AGAP2: variants seen among roughly 807,000 people sequenced by gnomAD.
AGAP2 encodes arf-GAP with GTPase, ANK repeat and PH domain-containing protein 2.
Under a neutral mutation model 110.9 loss-of-function variants are expected in AGAP2, and 32 were observed. The ratio of observed to expected loss-of-function variants is 0.29; its 90% CI spans 0.22 to 0.39. The LOEUF is 0.39. Ranked by LOEUF, AGAP2 falls within the 10% of genes least tolerant of loss-of-function variation. AGAP2 has a pLI of 1.00. For synonymous variants in AGAP2, 702 were observed against 713.0 expected (o/e 0.98, Z 0.25); for missense variants, 1,285 against 1,638.5 (o/e 0.78, Z 3.72).
chr12:57,735,142 A>G (rs1367080915), intron 2 of AGAP2, among the ~76,000 whole-genome samples: 2 of 152,172 alleles, frequency 1.3e-5, no homozygotes, highest in Non-Finnish European at 2.9e-5. Flanking sequence ...CCATGAACAA[A>G]CAGGAAAAAG....
At position 57,726,404 on chromosome 12, in the gene AGAP2, TG is replaced by T; in HGVS notation, c.*147del. ...GTGAGTTTGTGTCTTCTGGAAGGCG[TG>T]GGGGCTGTGCCCTCGTGGGGGTAGG... is the stretch of plus-strand genomic sequence containing the variant. On this transcript the variant is annotated 3_prime_UTR_variant, in exon 19 of 19. Transcript: ENST00000547588. The surrounding 1 kb of genome is among the most constrained non-coding windows in gnomAD (Gnocchi z 5.7). 3 of 771,628 alleles carry T rather than the reference TG, an allele frequency of 3.9e-6. No homozygotes were observed. The highest frequency in any genetic ancestry group is 6.4e-5 in the South Asian group (1 of 15,730). The allele number at this position is 771,628 out of a possible 1,614,324, so 47.8% of individuals were successfully genotyped here. A position where few individuals can be genotyped will look rare whatever the true frequency, so the allele number is the denominator to read the frequency against.
chr12:57,739,563 G>A (rs1044577737), upstream of AGAP2, among the ~76,000 whole-genome samples: 4 of 152,138 alleles, frequency 2.6e-5, no homozygotes, highest in Non-Finnish European at 4.4e-5. Flanking sequence ...TCTAGGAGGA[G>A]GGAGAAGGAT....
chr12:57,730,726 C>T (rs780301548), intron 11 of AGAP2, 65 bp downstream of exon 11: 24 of 1,610,262 alleles, frequency 1.5e-5, no homozygotes, highest in Admixed American at 1.3e-4. Flanking sequence ...CCCCTCTTCC[C>T]TCTTACCCCT....
chr12:57,739,621 T>C (rs1486284245), upstream of AGAP2: 5 of 152,396 alleles, frequency 3.3e-5, no homozygotes, highest in South Asian at 2.1e-4. Context: ...CCAGTCTCCA[T>C]AGCAACCGTA....
rs1253073888 is a variant in AGAP2, at chr12:57,727,559, G to A, written c.2881C>T (p.Leu961=). The A allele has an allele frequency of 6.2e-7, 1 of 1,608,620 alleles. No individual in the cohort carries two copies. The highest frequency in any genetic ancestry group is 1.1e-5 in the South Asian group (1 of 90,692). The change falls in exon 17 of 19, where the codon CTG becomes TTG. Residue 961 remains leucine (L), a synonymous_variant. Coordinates refer to ENST00000547588, the MANE Select transcript of AGAP2 (RefSeq NM_001122772.3). ...CACTCGATGCAGATGAGGGCGCCCA[G>A]GTTCAAGCTGGCCCACGTGGGGTCT... is the stretch of plus-strand genomic sequence containing the variant. ...APNPTWASLN[L]GALICIECSG... is the part of the protein sequence containing the mutation.
chr12:57,741,975 C>T, upstream of AGAP2: 2 of 1,614,212 alleles, frequency 1.2e-6, 1 homozygote, highest in Middle Eastern at 3.3e-4. Flanking sequence ...ACCCTCTCTG[C>T]CAGCTTCCTG....
chr12:57,723,918 TGAA>T (rs1450888939), downstream of AGAP2: 1 of 152,202 alleles, frequency 6.6e-6, no homozygotes, highest in Non-Finnish European at 1.5e-5. Context: ...CCCAAACTTC[TGAA>T]GAAGGGAGCA....
At chr12:57,736,259 A>C (rs2140365679) in intron 1 of AGAP2, among the ~76,000 whole-genome samples, 1 of 152,244 alleles carries the variant, frequency 6.6e-6, no homozygotes, top group East Asian at 1.9e-4. Flanking sequence ...CGGGAGTGTG[A>C]GCCGAACCAA....
chr12:57,734,554 C>CCCAATGGG, intron 3 of AGAP2, 38 bp downstream of exon 3: 1 of 1,608,486 alleles, frequency 6.2e-7, no homozygotes, highest in Non-Finnish European at 8.5e-7. Context: ...GGATCCCTGA[C>CCCAATGGG]CCCAATGGTT....
rs1429127085 is a variant in AGAP2 at position 57,737,252 on chromosome 12, C to T, written c.995G>A (p.Arg332Gln). The T allele has an allele frequency of 6.2e-7, 1 of 1,612,586 alleles. No individual in the cohort carries two copies. The highest frequency in any genetic ancestry group is 2.2e-5 in the East Asian group (1 of 44,858). The change falls in exon 1 of 19, where the codon CGG (arginine) becomes CAG (glutamine). Residue 332 changes from arginine (R) to glutamine (Q), a missense_variant. By Grantham distance (43) the Arg-to-Gln change is conservative. Transcript: ENST00000547588. This position sits in a 1 kb window ranked among gnomAD's most constrained non-coding sequence, Gnocchi z 5.9. Reference protein sequence around the residue: ...EPPAPGLKRGREGGRASTRDR... With the variant: ...EPPAPGLKRGQEGGRASTRDR... ...ACGAGTGGATGCTCGGCCCCCCTCC[C>T]GGCCCCGTTTCAGCCCCGGAGCTGG... is the stretch of plus-strand genomic sequence containing the variant.
chr12:57,734,668 G>A lies in AGAP2; in HGVS notation c.1239C>T (p.Gly413=), dbSNP rs536899006. ...SIPELRLGVL[G]DARSGKSSLI... Reference sequence around the variant, plus strand: ...GCGATGACTTCCCACTCCTGGCATCGCCCAGCACACCCTGAGGGCAAGGTT... The same window carrying A: ...GCGATGACTTCCCACTCCTGGCATCACCCAGCACACCCTGAGGGCAAGGTT... The change falls in exon 3 of 19, where the codon GGC becomes GGT. Residue 413 remains glycine, a synonymous_variant. Coordinates refer to ENST00000547588, the MANE Select transcript of AGAP2 (RefSeq NM_001122772.3). 1.4e-5 allele frequency: 22 copies of A among 1,614,048 alleles called. No individual in the cohort carries two copies. Among genetic ancestry groups the A allele is most frequent in the Admixed American group, 3.3e-5 (2 of 60,004 alleles).
Position 57,726,759 on chromosome 12 carries a change from G to C in AGAP2, c.3372C>G (p.Gly1124=). The C allele has an allele frequency of 7.4e-7, 1 of 1,351,984 alleles. No individual in the cohort carries two copies. 83.7% of individuals were successfully genotyped at this position (1,351,984 alleles called of 1,614,324 possible). Residue 1124 remains glycine (G), a synonymous_variant, in exon 19 of 19, where the codon GGC becomes GGG. Coordinates refer to ENST00000547588, the MANE Select transcript of AGAP2 (RefSeq NM_001122772.3). This position sits in a 1 kb window ranked among gnomAD's most constrained non-coding sequence, Gnocchi z 5.7. ...GGCGGGCGTAGAACAGCGCCGTGCG[G>C]CCCTGGGCGTCACGGGCCGCCACGT... ...GADVAARDAQ[G]RTALFYARQA...
In AGAP2 at chr12:57,737,417, T is replaced by C; in HGVS notation, c.830A>G (p.Asp277Gly). ...SPRKGKSKTL[D>G]NSDLHPGPPA... is the part of the protein sequence containing the mutation. ...CGGTCCCGGATGCAAGTCACTGTTG[T>C]CCAAGGTCTTACTCTTGCCTTTCCG... Residue 277 changes from aspartate to glycine, a missense_variant, in exon 1 of 19, where the codon GAC (aspartate) becomes GGC (glycine). Physicochemically the swap from Asp to Gly is moderately conservative, Grantham distance 94 (BLOSUM62 -1). Around this residue, in one of 7 missense-constraint regions of AGAP2, gnomAD observed 844 missense variants for 941.2 expected, o/e 0.90. Transcript: ENST00000547588. The surrounding 1 kb of genome is among the most constrained non-coding windows in gnomAD (Gnocchi z 5.9). 6.2e-7 allele frequency: 1 copy of C among 1,613,728 alleles called. No homozygotes were observed. Among genetic ancestry groups the C allele is most frequent in the Non-Finnish European group, 8.5e-7 (1 of 1,179,796 alleles).
At chr12:57,728,190 G>C in intron 14 of AGAP2, 105 bp from the exon 15 acceptor site, 6 of 1,518,546 alleles carry the variant, frequency 4.0e-6, no homozygotes, top group Non-Finnish European at 5.4e-6. Flanking sequence ...CTGGGAGTGG[G>C]GCAGTGGGGG....
chr12:57,725,875 G>C lies in AGAP2; in HGVS notation c.*677C>G, dbSNP rs776265224. ...CCAAGATAGTAGTGGGAGGGACCCA[G>C]GCTCTTGGTTCCCCCCGGACTCTTT... is the stretch of plus-strand genomic sequence containing the variant. On this transcript the variant is annotated 3_prime_UTR_variant, in exon 19 of 19. Transcript: ENST00000547588. 6.6e-6 allele frequency: 1 copy of C among 151,856 alleles called. No individual in the cohort carries two copies. The highest frequency in any genetic ancestry group is 1.5e-5 in the Non-Finnish European group (1 of 67,990). 9.4% of individuals were successfully genotyped at this position (151,856 alleles called of 1,614,324 possible).
intron 4 of AGAP2, 35 bp from the exon 5 acceptor site, chr12:57,734,208 A>G (rs1038939730): frequency 3.7e-6 from 6 of 1,604,896 alleles, no homozygotes; most frequent in Non-Finnish European, 5.1e-6. Context: ...GGAAAGTCAG[A>G]CAGGTCTACT....
chr12:57,741,011 T>C (rs377015096), upstream of AGAP2, among the ~76,000 whole-genome samples: 1 of 152,220 alleles, frequency 6.6e-6, no homozygotes, highest in African/African-American at 2.4e-5. Context: ...AAGAAGTGTT[T>C]CCACCAGACA....
chr12:57,731,638 C>T lies in AGAP2; in HGVS notation c.1958G>A (p.Arg653His), dbSNP rs1412800570. The change falls in exon 9 of 19, where the codon CGT becomes CAT. Residue 653 changes from arginine to histidine, a missense_variant. Coordinates refer to ENST00000547588, the MANE Select transcript of AGAP2 (RefSeq NM_001122772.3). Reference sequence around the variant, plus strand: ...TCGTTTCTCGGAGTCACTACCCCGACGATTCTGGAATGGTTATTGGAATCA... The same window carrying T: ...TCGTTTCTCGGAGTCACTACCCCGATGATTCTGGAATGGTTATTGGAATCA... Reference protein sequence around the residue: ...AKRRTSLFANRRGSDSEKRSL... With the variant: ...AKRRTSLFANHRGSDSEKRSL... The T allele has an allele frequency of 6.2e-6, 10 of 1,613,844 alleles. No homozygotes were observed. Among genetic ancestry groups the T allele is most frequent in the African/African-American group, 1.3e-5 (1 of 74,830 alleles).
chr12:57,736,499 C>T (rs1229306457), intron 1 of AGAP2, among the ~76,000 whole-genome samples: 1 of 152,164 alleles, frequency 6.6e-6, no homozygotes, highest in Non-Finnish European at 1.5e-5. Context: ...CTATCCGCCC[C>T]CTCTCACTTC....
Sources: allele counts gnomAD v4.1 joint callset (sites outside exome capture counted in the v4.1 genomes callset), GRCh38; gene constraint gnomAD v4.1.1; regional missense constraint gnomAD v4.1.1; non-coding constraint Gnocchi (gnomAD v3.1); transcripts MANE v1.5; gene names NCBI Gene and HGNC (gene_info 2026-07-23, HGNC 2026-07-21).